Variants in UBR7 observed in about 807,000 individuals in gnomAD.
The protein encoded by UBR7 is ubiquitin protein ligase E3 component n-recognin 7, also known as putative E3 ubiquitin-protein ligase UBR7.
UBR7 carries 22 observed loss-of-function variants against 57.0 expected under a neutral mutation model. The observed-to-expected ratio is 0.39, with a 90% CI of 0.28 to 0.55. UBR7 has a LOEUF of 0.55. Among genes scored for constraint, UBR7 ranks in the 20% least tolerant of loss-of-function variants. UBR7 has a pLI of 0.69. For missense variants in UBR7, 395 were observed against 513.2 expected, an observed-to-expected ratio of 0.77 and a Z score of 2.23; for synonymous variants, 167 against 179.8, an observed-to-expected ratio of 0.93 and a Z score of 0.57.
At chr14:93,221,718 AC>A (rs1477537651) in intron 9 of UBR7, among the ~76,000 whole-genome samples, 1 of 151,654 alleles carries the variant, frequency 6.6e-6, no homozygotes, top group Admixed American at 6.6e-5. Flanking sequence ...GCCATGGCTC[AC>A]GCCTGTAATC....
rs2139653506 is a variant in UBR7, at chr14:93,228,979, C to T, written c.*1944C>T. 1 of 454,006 alleles carries T rather than the reference C, an allele frequency of 2.2e-6. No individual in the cohort carries two copies. The highest frequency in any genetic ancestry group is 1.6e-5 in the South Asian group (1 of 64,442). The allele number at this position is 454,006 out of a possible 1,614,324, so 28.1% of individuals were successfully genotyped here. ...CATTAACTGGAAACCTCTTTTTTTACCTGTTGTTCACAACTAGTTTTCTTA... is the reference window on the plus strand; with the variant it reads ...CATTAACTGGAAACCTCTTTTTTTATCTGTTGTTCACAACTAGTTTTCTTA... On this transcript the variant is annotated 3_prime_UTR_variant, in exon 11 of 11. Transcript: ENST00000013070.
At chr14:93,212,524 C>T (rs577684290) in intron 4 of UBR7, among the ~76,000 whole-genome samples, 14 of 152,324 alleles carry the variant, frequency 9.2e-5, no homozygotes, top group East Asian at 5.8e-4. Flanking sequence ...AAATTCAAAA[C>T]GAGTTCTTCC....
chr14:93,224,372 C>CTTTTTTTTT (rs761189322), intron 10 of UBR7, among the ~76,000 whole-genome samples: 1 of 93,792 alleles, frequency 1.1e-5, no homozygotes, highest in Non-Finnish European at 1.9e-5. Context: ...CCTTACAGTT[C>CTTTTTTTTT]TTTTTTTTTT....
chr14:93,207,297 C>A lies in UBR7; in HGVS notation c.6C>A (p.Ala2=). The change falls in exon 1 of 11, where the codon GCC becomes GCA. Residue 2 remains alanine, a synonymous_variant. Coordinates refer to ENST00000013070, the MANE Select transcript of UBR7 (RefSeq NM_175748.4). M[A]GAEGAAGRQS... The stretch of plus-strand genomic sequence containing the variant: ...TGTTCGGCTGACAGTTGAGGATGGC[C>A]GGAGCCGAGGGCGCCGCTGGGCGGC... The A allele has an allele frequency of 1.3e-6, 2 of 1,554,716 alleles. No individual in the cohort carries two copies. Among genetic ancestry groups the A allele is most frequent in the Non-Finnish European group, 8.7e-7 (1 of 1,148,920 alleles).
chr14:93,208,932 G>A (rs2063149983), intron 1 of UBR7, among the ~76,000 whole-genome samples: 2 of 152,012 alleles, frequency 1.3e-5, no homozygotes, highest in African/African-American at 4.8e-5. Context: ...CAAGTAGCTG[G>A]GATAACAGGC....
At chr14:93,215,439 A>G (rs1313092218) in intron 6 of UBR7, among the ~76,000 whole-genome samples, 158 bp downstream of exon 6, 1 of 152,136 alleles carries the variant, frequency 6.6e-6, no homozygotes, top group East Asian at 1.9e-4. Flanking sequence ...TAATCCCAGC[A>G]CTTTGGGAGG....
Position 93,226,977 on chromosome 14 carries a change from AAG to A in UBR7, c.1223_1224del (p.Glu408ValfsTer30). 1 of 1,613,128 alleles carries A rather than the reference AAG, an allele frequency of 6.2e-7. No homozygotes were observed. The highest frequency in any genetic ancestry group is 8.5e-7 in the Non-Finnish European group (1 of 1,179,470). ...AGAGAGGACATTCAGCAGTTCTTTG[AAG>A]AGTTTCAGTCAAAAAAGAGAAGAAG... On this transcript the variant is annotated frameshift_variant, in exon 11 of 11. Transcript: ENST00000013070. LOFTEE classifies it high-confidence loss of function.
At chr14:93,208,727 G>A (rs1179224893) in intron 1 of UBR7, among the ~76,000 whole-genome samples, 1 of 151,956 alleles carries the variant, frequency 6.6e-6, no homozygotes, top group African/African-American at 2.4e-5. Flanking sequence ...AACCTTACTG[G>A]CATCCCGGAA....
chr14:93,223,452 A>C, intron 10 of UBR7: 1 of 490,644 alleles, frequency 2.0e-6, no homozygotes. Flanking sequence ...AGTTTCAGCT[A>C]CTTGGGAGGC....
rs1266723158 is a variant in UBR7, at chr14:93,219,297, A to C, written c.896A>C (p.Lys299Thr). The C allele has an allele frequency of 2.5e-6, 4 of 1,614,200 alleles. No individual in the cohort carries two copies. The Admixed American group carries it at 6.7e-5, about 27-fold the overall frequency. The change falls in exon 8 of 11, where the codon AAA becomes ACA. Residue 299 changes from lysine (K) to threonine (T), a missense_variant. Lys to Thr is a moderately conservative substitution (Grantham distance 78). Coordinates refer to ENST00000013070, the MANE Select transcript of UBR7 (RefSeq NM_175748.4). ...QELKAKQLIK[K>T]DTATYWPLNW... ...CTTAAAGCTAAGCAGCTTATAAAGA[A>C]AGACACTGCCACCTATTGGCCCCTG...
intron 3 of UBR7, among the ~76,000 whole-genome samples, chr14:93,211,723 G>C (rs1894488750): frequency 6.6e-6 from 1 of 151,650 alleles, no homozygotes; most frequent in African/African-American, 2.4e-5. Flanking sequence ...GAAATTCCAG[G>C]CCAATATCAG....
chr14:93,222,700 G>A (rs1047535368), intron 10 of UBR7, among the ~76,000 whole-genome samples: 5 of 151,340 alleles, frequency 3.3e-5, no homozygotes, highest in South Asian at 2.1e-4. Context: ...CCGAGAACAC[G>A]CCACTGCACC....
chr14:93,219,888 TC>T (rs1216915101), intron 8 of UBR7, among the ~76,000 whole-genome samples: 4 of 151,914 alleles, frequency 2.6e-5, no homozygotes, highest in African/African-American at 9.7e-5. Flanking sequence ...GGCAGGAGAA[TC>T]GCTTGAACCC....
chr14:93,226,792 CAAAAAAAAAAAAA>C (rs55907535), intron 10 of UBR7, 138 bp from the exon 11 acceptor site: 80,008 of 347,874 alleles, frequency 0.23, 9,211 homozygotes, highest in African/African-American at 0.3. Context: ...CACTCCATCT[CAAAAAAAAAAAAA>C]AAAAAAAATA....
chr14:93,209,762 TG>T, intron 1 of UBR7, 61 bp from the exon 2 acceptor site: 2 of 1,581,632 alleles, frequency 1.3e-6, no homozygotes, highest in Non-Finnish European at 1.7e-6. Context: ...CAGTTCCTAG[TG>T]TGGGTATTAG....
rs1894639197 is a variant in UBR7, at chr14:93,218,583, G to T, written c.658G>T (p.Asp220Tyr). ...GGTGCGGAACATTGATGGAATAGGTGATCAGGAAGTTATCAAACCTGAAAA... is the reference window on the plus strand; with the variant it reads ...GGTGCGGAACATTGATGGAATAGGTTATCAGGAAGTTATCAAACCTGAAAA... ...GLVRNIDGIG[D>Y]QEVIKPENGE... Residue 220 changes from aspartate to tyrosine, a missense_variant, in exon 7 of 11, where the codon GAT (aspartate) becomes TAT (tyrosine). Transcript: ENST00000013070. 1 of 1,613,964 alleles carries T rather than the reference G, an allele frequency of 6.2e-7. No homozygotes were observed. Among genetic ancestry groups the T allele is most frequent in the Non-Finnish European group, 8.5e-7 (1 of 1,180,038 alleles).
In UBR7 at chr14:93,228,477, C is replaced by T. The variant is rs965417061; in HGVS notation, c.*1442C>T. On this transcript the variant is annotated 3_prime_UTR_variant, in exon 11 of 11. Coordinates refer to ENST00000013070, the MANE Select transcript of UBR7 (RefSeq NM_175748.4). ...CTGTGTATTCATTCGAGTGCCCAAT[C>T]CCTGGATGAGATGAACTAGGCCTTA... is the stretch of plus-strand genomic sequence containing the variant. 2.2e-6 allele frequency: 1 copy of T among 453,950 alleles called. No homozygotes were observed. The highest frequency in any genetic ancestry group is 2.0e-5 in the African/African-American group (1 of 49,974). 28.1% of individuals were successfully genotyped at this position (453,950 alleles called of 1,614,324 possible).
chr14:93,227,077 G>T lies in UBR7; in HGVS notation c.*42G>T. The T allele has an allele frequency of 6.9e-7, 1 of 1,443,144 alleles. No individual in the cohort carries two copies. 89.4% of individuals were successfully genotyped at this position (1,443,144 alleles called of 1,614,324 possible). A position where few individuals can be genotyped will look rare whatever the true frequency, so the allele number is the denominator to read the frequency against. On this transcript the variant is annotated 3_prime_UTR_variant, in exon 11 of 11. Coordinates refer to ENST00000013070, the MANE Select transcript of UBR7 (RefSeq NM_175748.4). ...TTCTCATTCAAGCCAATGAAAATGCGCTTCCCATTCTTGGAATAAAAGAGG... is the reference window on the plus strand; with the variant it reads ...TTCTCATTCAAGCCAATGAAAATGCTCTTCCCATTCTTGGAATAAAAGAGG...
intron 9 of UBR7, 130 bp downstream of exon 9, chr14:93,220,541 G>C (rs1333170882): frequency 9.4e-7 from 1 of 1,068,284 alleles, no homozygotes; most frequent in African/African-American, 1.6e-5. Context: ...ACCATTGCTT[G>C]ATTTTCATAT....
Sources: allele counts gnomAD v4.1 joint callset (sites outside exome capture counted in the v4.1 genomes callset), GRCh38; gene constraint gnomAD v4.1.1; transcripts MANE v1.5; gene names NCBI Gene and HGNC (gene_info 2026-07-23, HGNC 2026-07-21).